The following MSRB3 variants were observed in gnomAD, a reference collection of about 807,000 sequenced individuals.
MSRB3 encodes the protein methionine-R-sulfoxide reductase B3.
MSRB3 carries 13 observed loss-of-function variants against 21.0 expected under a neutral mutation model. The observed-to-expected ratio is 0.62, with a 90% CI of 0.40 to 0.98. The LOEUF (loss-of-function observed/expected upper bound fraction) is 0.98, where lower values mean the gene tolerates loss of function less well. Among genes scored for constraint, MSRB3 ranks in the 50% least tolerant of loss-of-function variants. The pLI, the probability that MSRB3 is intolerant of heterozygous loss-of-function variation, is 0.00. For missense variants in MSRB3, 199 were observed against 230.3 expected (o/e 0.86, Z 0.88); for synonymous variants, 87 against 88.6 (o/e 0.98, Z 0.10).
At chr12:65,433,562 AC>A (rs1881981995) in intron 5 of MSRB3, among the ~76,000 whole-genome samples, 2 of 151,782 alleles carry the variant, frequency 1.3e-5, no homozygotes, top group African/African-American at 4.8e-5. Context: ...TGGCCCACAG[AC>A]CTGGGAATTA....
intron 5 of MSRB3, among the ~76,000 whole-genome samples, chr12:65,411,389 A>AT (rs2136625001): frequency 6.6e-6 from 1 of 152,322 alleles, no homozygotes; most frequent in South Asian, 2.1e-4. Flanking sequence ...GTTGAATAAA[A>AT]TATGTCCTTC....
intron 1 of MSRB3, chr12:65,306,954 G>T (rs758955793): frequency 1.0e-5 from 10 of 985,772 alleles, no homozygotes; most frequent in Non-Finnish European, 1.2e-5. Flanking sequence ...CCTGGTACAG[G>T]AGTTGATGAA....
chr12:65,402,856 G>A (rs1880205197), intron 5 of MSRB3, among the ~76,000 whole-genome samples: 1 of 152,112 alleles, frequency 6.6e-6, no homozygotes, highest in East Asian at 1.9e-4. Flanking sequence ...CTAACATTCA[G>A]GCTCCTCTGC....
chr12:65,336,357 CT>C (rs1875763118), intron 4 of MSRB3, among the ~76,000 whole-genome samples: 1 of 152,192 alleles, frequency 6.6e-6, no homozygotes, highest in African/African-American at 2.4e-5. Context: ...ATAATTATAA[CT>C]GCATTTTTCT....
In MSRB3 at chr12:65,281,310, G is replaced by A. The variant is rs563939495; in HGVS notation, c.-52+2445G>A. Among the ~76,000 whole-genome samples, 409 of 152,096 alleles carry A rather than the reference G, an allele frequency of 2.7e-3. 1 individual carries two copies. Among genetic ancestry groups the A allele is most frequent in the African/African-American group, 9.4e-3 (389 of 41,484 alleles). Reference sequence around the variant, plus strand: ...ATTTGATTCCCATGTTTAGCTTCTCGGTAAAATTATTAAGTTGGACAGTTT... The same window carrying A: ...ATTTGATTCCCATGTTTAGCTTCTCAGTAAAATTATTAAGTTGGACAGTTT... On this transcript the variant is annotated intron_variant, in intron 1 of 6. Transcript: ENST00000308259.
intron 5 of MSRB3, among the ~76,000 whole-genome samples, chr12:65,402,362 G>A (rs1880177206): frequency 6.6e-6 from 1 of 151,972 alleles, no homozygotes; most frequent in Admixed American, 6.6e-5. Context: ...TCATTAAGTT[G>A]ATCTTCAGTC....
chr12:65,457,945 T>C (rs1273167920), intron 6 of MSRB3, among the ~76,000 whole-genome samples: 1 of 152,206 alleles, frequency 6.6e-6, no homozygotes, highest in African/African-American at 2.4e-5. Context: ...TGTTGTATTC[T>C]TAATTTACGT....
chr12:65,406,904 C>T (rs969247713), intron 5 of MSRB3, among the ~76,000 whole-genome samples: 2 of 152,170 alleles, frequency 1.3e-5, no homozygotes, highest in Non-Finnish European at 2.9e-5. Flanking sequence ...ACCCGAGGCA[C>T]TATCTTGGAA....
At chr12:65,298,761 T>C (rs1873135507) in intron 1 of MSRB3, among the ~76,000 whole-genome samples, 1 of 152,206 alleles carries the variant, frequency 6.6e-6, no homozygotes, top group East Asian at 1.9e-4. Context: ...TAATTTCCAG[T>C]GCTAAAACTT....
intron 4 of MSRB3, among the ~76,000 whole-genome samples, chr12:65,355,394 T>C (rs1285095662): frequency 6.6e-6 from 1 of 151,802 alleles, no homozygotes; most frequent in African/African-American, 2.4e-5. Flanking sequence ...TCCATTAAGG[T>C]CAAACCAGAT....
chr12:65,361,723 C>T (rs1281534858), intron 4 of MSRB3, among the ~76,000 whole-genome samples: 1 of 152,030 alleles, frequency 6.6e-6, no homozygotes, highest in Non-Finnish European at 1.5e-5. Flanking sequence ...AACCAAACAA[C>T]CATAAATCTC....
chr12:65,335,298 G>T (rs569904847), intron 4 of MSRB3, among the ~76,000 whole-genome samples: 2 of 152,082 alleles, frequency 1.3e-5, no homozygotes, highest in Non-Finnish European at 2.9e-5. Context: ...TATTAGACAG[G>T]GTCTGTCTGT....
At chr12:65,434,532 G>T (rs755419304) in intron 5 of MSRB3, among the ~76,000 whole-genome samples, 1 of 151,900 alleles carries the variant, frequency 6.6e-6, no homozygotes, top group Non-Finnish European at 1.5e-5. Flanking sequence ...TTTATGGAAA[G>T]CTTCAGTGAA....
intron 5 of MSRB3, among the ~76,000 whole-genome samples, chr12:65,403,033 G>A (rs1283670979): frequency 1.3e-5 from 2 of 152,214 alleles, no homozygotes; most frequent in Non-Finnish European, 2.9e-5. Flanking sequence ...TGTATGAGGT[G>A]TCTGTCGACC....
chr12:65,453,043 A>C (rs1418616975), intron 5 of MSRB3, among the ~76,000 whole-genome samples: 2 of 152,198 alleles, frequency 1.3e-5, no homozygotes, highest in African/African-American at 2.4e-5. Flanking sequence ...TATATTTTTA[A>C]AATCACTAGA....
chr12:65,330,829 C>T (rs1875366468), intron 4 of MSRB3, among the ~76,000 whole-genome samples: 1 of 152,174 alleles, frequency 6.6e-6, no homozygotes. Context: ...TCCCTGTCTG[C>T]CTGCTTGTCT....
rs566231547 is a variant in MSRB3 at position 65,326,445 on chromosome 12, C to T, written c.77-381C>T. The stretch of plus-strand genomic sequence containing the variant: ...AGACTTACGGTTTAACATAATATGC[C>T]CATCATTTTATATATACAGTATAAA... On this transcript the variant is annotated intron_variant, in intron 2 of 6. Coordinates refer to ENST00000308259, the MANE Select transcript of MSRB3 (RefSeq NM_001031679.3). Among the ~76,000 whole-genome samples, 4 of 151,876 alleles carry T rather than the reference C, an allele frequency of 2.6e-5. No individual in the cohort carries two copies. In the South Asian group the frequency reaches 6.3e-4, roughly 24 times the overall value.
In MSRB3 at chr12:65,345,361, T is replaced by C. The variant is rs139637594; in HGVS notation, c.263+16758T>C. On this transcript the variant is annotated intron_variant, in intron 4 of 6. Transcript: ENST00000308259. The stretch of plus-strand genomic sequence containing the variant: ...GACTAGGAAAATAAAAGATGGCTCA[T>C]TGGGAAACACCGAATTAAAATAAGT... Among the ~76,000 whole-genome samples, 524 of 152,180 alleles carry C rather than the reference T, an allele frequency of 3.4e-3. 4 individuals are homozygous for C. Among genetic ancestry groups the C allele is most frequent in the African/African-American group, 0.012 (491 of 41,556 alleles).
intron 2 of MSRB3, among the ~76,000 whole-genome samples, chr12:65,324,244 A>T (rs1874871716): frequency 6.6e-6 from 1 of 152,354 alleles, no homozygotes; most frequent in East Asian, 1.9e-4. Flanking sequence ...GCACATTCCT[A>T]CAAAATTTGT....
Sources: gnomAD v4.1 joint callset for allele counts (sites outside exome capture counted in the v4.1 genomes callset) on GRCh38, gnomAD v4.1.1 for gene constraint, MANE v1.5 for transcripts, NCBI Gene and HGNC (gene_info 2026-07-23, HGNC 2026-07-21) for gene names.